The following MTCL2 variants were observed in gnomAD, a reference collection of about 807,000 sequenced individuals.
The protein encoded by MTCL2 is microtubule crosslinking factor 2.
chr20:36,845,152 GA>G, the MTCL2 span, among the ~76,000 whole-genome samples: 1 of 152,236 alleles, frequency 6.6e-6, no homozygotes, highest in Non-Finnish European at 1.5e-5. Flanking sequence ...GAATTTGTGA[GA>G]AATTCTCATG....
At chr20:36,800,174 C>T in the MTCL2 span, among the ~76,000 whole-genome samples, 1 of 152,230 alleles carries the variant, frequency 6.6e-6, no homozygotes. Context: ...GTGAGAACAA[C>T]AGCAGAACAT....
At chr20:36,855,661 G>A in the MTCL2 span, among the ~76,000 whole-genome samples, 5 of 152,184 alleles carry the variant, frequency 3.3e-5, no homozygotes, top group South Asian at 6.2e-4. Flanking sequence ...TCTCTGCCCC[G>A]GAGGCTATGC....
chr20:36,786,322 C>G, the MTCL2 span: 1 of 1,329,554 alleles, frequency 7.5e-7, no homozygotes, highest in South Asian at 2.1e-5. Flanking sequence ...CCCGGCTTTA[C>G]CTTGATGTGA....
At chr20:36,856,471 CAAG>C in the MTCL2 span, among the ~76,000 whole-genome samples, 1 of 152,244 alleles carries the variant, frequency 6.6e-6, no homozygotes, top group African/African-American at 2.4e-5. Context: ...CAGGAAATTC[CAAG>C]GAGATTAGAA....
At chr20:36,785,056 C>T in the MTCL2 span, 4 of 985,294 alleles carry the variant, frequency 4.1e-6, no homozygotes, top group East Asian at 2.3e-4. Flanking sequence ...TGGTGATGGC[C>T]GTCCAGCCCT....
chr20:36,796,025 C>T, the MTCL2 span, among the ~76,000 whole-genome samples: 1,011 of 152,268 alleles, frequency 6.6e-3, 13 homozygotes, highest in African/African-American at 0.023. Context: ...CTCCTTTTAT[C>T]GGCTGCTTTC....
chr20:36,782,235 A>C, the MTCL2 span: 1 of 152,114 alleles, frequency 6.6e-6, no homozygotes, highest in Non-Finnish European at 1.5e-5. Context: ...GGGACCTCAG[A>C]TCACCCTCTG....
chr20:36,833,173 G>A, the MTCL2 span, among the ~76,000 whole-genome samples: 4 of 152,178 alleles, frequency 2.6e-5, no homozygotes, highest in African/African-American at 4.8e-5. Flanking sequence ...TGATTTTGCC[G>A]TATAGGCCCA....
the MTCL2 span, chr20:36,817,330 C>A: frequency 3.2e-6 from 4 of 1,263,864 alleles, no homozygotes; most frequent in African/African-American, 1.5e-5. Flanking sequence ...AGGGCAGAAT[C>A]TGGGATCCCC....
At chr20:36,839,247 C>A in the MTCL2 span, 1 of 1,605,646 alleles carries the variant, frequency 6.2e-7, no homozygotes, top group Admixed American at 1.7e-5. This position sits in a 1 kb window ranked among gnomAD's most constrained non-coding sequence, Gnocchi z 5.1. Flanking sequence ...CACGGATAAG[C>A]TCGCCGTCCA....
At chr20:36,852,468 C>T in the MTCL2 span, among the ~76,000 whole-genome samples, 1 of 152,352 alleles carries the variant, frequency 6.6e-6, no homozygotes, top group Non-Finnish European at 1.5e-5. Context: ...CAGATGAGAT[C>T]ATCACACTTG....
At chr20:36,789,774 C>T in the MTCL2 span, among the ~76,000 whole-genome samples, 2 of 152,104 alleles carry the variant, frequency 1.3e-5, no homozygotes, top group Non-Finnish European at 2.9e-5. Flanking sequence ...TTCTTCCTGC[C>T]TGACAGCCTT....
At chr20:36,824,828 A>G in the MTCL2 span, among the ~76,000 whole-genome samples, 128 of 151,490 alleles carry the variant, frequency 8.4e-4, 1 homozygote, top group Non-Finnish European at 1.6e-3. Flanking sequence ...AATTTTTTAA[A>G]TTTTTGTAGA....
At chr20:36,805,954 T>A in the MTCL2 span, 1 of 1,598,512 alleles carries the variant, frequency 6.3e-7, no homozygotes, top group Non-Finnish European at 8.5e-7. Flanking sequence ...TTCATGCTGT[T>A]CACCTGTTTT....
the MTCL2 span, among the ~76,000 whole-genome samples, chr20:36,799,895 CA>C: frequency 6.6e-6 from 1 of 152,172 alleles, no homozygotes; most frequent in African/African-American, 2.4e-5. Context: ...ATGAGAAGGT[CA>C]AGAATGGTCA....
At chr20:36,855,165 C>G in the MTCL2 span, among the ~76,000 whole-genome samples, 4 of 152,240 alleles carry the variant, frequency 2.6e-5, no homozygotes, top group Non-Finnish European at 4.4e-5. Flanking sequence ...CCAGACCTGG[C>G]TAATGGGACC....
At chr20:36,802,660 A>C in the MTCL2 span, among the ~76,000 whole-genome samples, 1 of 152,228 alleles carries the variant, frequency 6.6e-6, no homozygotes, top group Non-Finnish European at 1.5e-5. Context: ...TGACAGGCTG[A>C]AGCAGAAAGA....
the MTCL2 span, among the ~76,000 whole-genome samples, chr20:36,849,916 G>A: frequency 7.2e-5 from 11 of 152,080 alleles, no homozygotes; most frequent in Non-Finnish European, 1.6e-4. Flanking sequence ...CATGTGGTCT[G>A]AACCCAGCAA....
the MTCL2 span, among the ~76,000 whole-genome samples, chr20:36,804,462 A>G: frequency 3.1e-3 from 466 of 152,310 alleles, 2 homozygotes; most frequent in Non-Finnish European, 5.3e-3. Context: ...AAATGAGGAC[A>G]GCAGGCAGTG....
Sources: allele counts gnomAD v4.1 joint callset (sites outside exome capture counted in the v4.1 genomes callset), GRCh38; gene constraint gnomAD v4.1.1; non-coding constraint Gnocchi (gnomAD v3.1); transcripts MANE v1.5; gene names NCBI Gene and HGNC (gene_info 2026-07-23, HGNC 2026-07-21).